Variants in KLF12 observed in about 807,000 individuals in gnomAD.
KLF12 encodes KLF transcription factor 12.
In KLF12, 9 loss-of-function variants were observed where a neutral mutation model predicts 37.8. The observed-to-expected ratio is 0.24, with a 90% CI of 0.14 to 0.42. The LOEUF is 0.42. Ranked by LOEUF, KLF12 falls within the 10% of genes least tolerant of loss-of-function variation. The pLI, the probability that KLF12 is intolerant of heterozygous loss-of-function variation, is 1.00. For missense variants in KLF12, 411 were observed against 516.0 expected (o/e 0.80, Z 1.97); for synonymous variants, 208 against 202.1 (o/e 1.03, Z -0.25).
intron 1 of KLF12, among the ~76,000 whole-genome samples, chr13:74,047,457 C>A (rs1187522037): frequency 6.6e-6 from 1 of 151,028 alleles, no homozygotes; most frequent in African/African-American, 2.4e-5. Flanking sequence ...ATTAGCCAGG[C>A]GTGGTGGCGG....
intron 3 of KLF12, among the ~76,000 whole-genome samples, chr13:73,934,677 T>C (rs1468122098): frequency 6.6e-6 from 1 of 152,142 alleles, no homozygotes; most frequent in African/African-American, 2.4e-5. Context: ...TTTCTAGCAA[T>C]TTGATTATTC....
intron 4 of KLF12, among the ~76,000 whole-genome samples, chr13:73,825,982 T>C (rs1041064447): frequency 6.6e-6 from 1 of 152,136 alleles, no homozygotes; most frequent in Admixed American, 6.5e-5. Context: ...TCAACATTTT[T>C]TTTTTTTTGA....
chr13:74,211,608 A>G, the KLF12 span, among the ~76,000 whole-genome samples: 1,187 of 152,332 alleles, frequency 7.8e-3, 6 homozygotes, highest in Middle Eastern at 0.017. Context: ...CAAGAATTTG[A>G]CATTATGTTA....
intron 3 of KLF12, among the ~76,000 whole-genome samples, chr13:73,918,304 C>T (rs1024906527): frequency 6.6e-6 from 1 of 151,938 alleles, no homozygotes; most frequent in Non-Finnish European, 1.5e-5. Flanking sequence ...CTTACTCCTA[C>T]TCAAATCTTT....
the KLF12 span, among the ~76,000 whole-genome samples, chr13:74,305,911 T>C: frequency 6.6e-6 from 1 of 152,034 alleles, no homozygotes; most frequent in East Asian, 1.9e-4. Context: ...GATAGTAAAA[T>C]AGACCAGAAA....
At chr13:74,088,000 T>C (rs1875417307) in intron 1 of KLF12, among the ~76,000 whole-genome samples, 1 of 152,092 alleles carries the variant, frequency 6.6e-6, no homozygotes, top group African/African-American at 2.4e-5. Context: ...CAATATACTC[T>C]TATTCCTTGA....
intron 1 of KLF12, among the ~76,000 whole-genome samples, chr13:74,131,806 T>C (rs987542453): frequency 7.2e-5 from 11 of 152,318 alleles, no homozygotes; most frequent in African/African-American, 2.6e-4. Flanking sequence ...ATTTTCCCAG[T>C]ACATTTCATA....
chr13:73,861,803 G>A lies in KLF12; in HGVS notation c.124-15430C>T, dbSNP rs186448420. On this transcript the variant is annotated intron_variant, in intron 3 of 7. Transcript: ENST00000377669. ...TGCACCTCCGTGGGTATGTGAATAC[G>A]GCTTAGGTACTGGTATGAATGCTGA... is the stretch of plus-strand genomic sequence containing the variant. Among the ~76,000 whole-genome samples the A allele has an allele frequency of 5.9e-5, 9 of 152,116 alleles. No individual in the cohort carries two copies. In the East Asian group the frequency reaches 9.7e-4, roughly 16 times the overall value.
chr13:73,917,933 G>GA (rs754651604), intron 3 of KLF12, among the ~76,000 whole-genome samples: 10,670 of 144,352 alleles, frequency 0.074, 420 homozygotes, highest in Middle Eastern at 0.093. Context: ...AGTGAGAAAT[G>GA]AAAAAAAAAA....
chr13:73,768,242 T>C (rs1327008400), intron 5 of KLF12, among the ~76,000 whole-genome samples: 3 of 152,204 alleles, frequency 2.0e-5, no homozygotes, highest in African/African-American at 4.8e-5. Context: ...CTGCGAGGTT[T>C]AAATCAGTTA....
rs141188804 is a variant in KLF12, at chr13:73,771,347, T to C, written c.807-6347A>G. On this transcript the variant is annotated intron_variant, in intron 5 of 7. Transcript: ENST00000377669. ...CACTCAATAAATAGCTGTTGTATTA[T>C]TGGCCTGATTTTCCTACTAAACTAC... 5.2e-3 allele frequency among the ~76,000 whole-genome samples: 793 copies of C among 152,342 alleles called. 3 individuals carry two copies. Among genetic ancestry groups the C allele is most frequent in the African/African-American group, 0.016 (684 of 41,570 alleles).
At chr13:73,896,415 T>C (rs1887772695) in intron 3 of KLF12, among the ~76,000 whole-genome samples, 2 of 152,184 alleles carry the variant, frequency 1.3e-5, no homozygotes, top group African/African-American at 2.4e-5. Flanking sequence ...TGAATGTCTA[T>C]GTGCCAAGCA....
At chr13:74,159,065 T>C in the KLF12 span, among the ~76,000 whole-genome samples, 1 of 152,182 alleles carries the variant, frequency 6.6e-6, no homozygotes, top group East Asian at 1.9e-4. Context: ...GGCATGATCT[T>C]CCTACACCTC....
At chr13:74,153,083 T>C in the KLF12 span, among the ~76,000 whole-genome samples, 1 of 152,080 alleles carries the variant, frequency 6.6e-6, no homozygotes, top group Non-Finnish European at 1.5e-5. Flanking sequence ...ATATGTTGGG[T>C]TTAATTTTCA....
intron 1 of KLF12, among the ~76,000 whole-genome samples, chr13:74,064,389 G>T (rs372267973): frequency 1.8e-4 from 24 of 131,916 alleles, no homozygotes; most frequent in East Asian, 1.6e-3. Flanking sequence ...TGTCTTCGTG[G>T]ATTTCACTCA....
chr13:74,241,696 G>T, the KLF12 span, among the ~76,000 whole-genome samples: 3 of 152,320 alleles, frequency 2.0e-5, no homozygotes, highest in Admixed American at 2.0e-4. Flanking sequence ...GTATTCGGGT[G>T]GGAGTGACCC....
chr13:73,900,666 T>C (rs1320810570), intron 3 of KLF12, among the ~76,000 whole-genome samples: 1 of 152,096 alleles, frequency 6.6e-6, no homozygotes, highest in African/African-American at 2.4e-5. Flanking sequence ...GTAAAAAAAT[T>C]GTTTCTCCAA....
At chr13:73,929,562 T>G (rs532809325) in intron 3 of KLF12, among the ~76,000 whole-genome samples, 1 of 152,164 alleles carries the variant, frequency 6.6e-6, no homozygotes. Flanking sequence ...CCCCTCCGTA[T>G]AGTTTAAGTG....
chr13:74,277,226 C>G, the KLF12 span, among the ~76,000 whole-genome samples: 2 of 152,174 alleles, frequency 1.3e-5, no homozygotes, highest in African/African-American at 4.8e-5. Flanking sequence ...CTGGAGGCTA[C>G]TGGATCACCT....
Sources: allele counts gnomAD v4.1 joint callset (sites outside exome capture counted in the v4.1 genomes callset), GRCh38; gene constraint gnomAD v4.1.1; transcripts MANE v1.5; gene names NCBI Gene and HGNC (gene_info 2026-07-23, HGNC 2026-07-21).